Variants in MARCHF1 observed in about 807,000 individuals in gnomAD.
MARCHF1 encodes E3 ubiquitin-protein ligase MARCHF1.
A neutral mutation model predicts 54.2 loss-of-function variants in MARCHF1; 40 were observed. That is an observed-to-expected ratio of 0.74 (90% confidence interval 0.57 to 0.96). The LOEUF is 0.96. Ranked by LOEUF, MARCHF1 falls within the 40% of genes least tolerant of loss-of-function variation. The pLI is 0.00. For synonymous variants in MARCHF1, 236 were observed against 236.3 expected, an observed-to-expected ratio of 1.00 and a Z score of 0.01; for missense variants, 586 against 656.5, an observed-to-expected ratio of 0.89 and a Z score of 1.17.
intron 7 of MARCHF1, among the ~76,000 whole-genome samples, chr4:163,604,150 C>T (rs1741068044): frequency 6.6e-6 from 1 of 152,236 alleles, no homozygotes; most frequent in Admixed American, 6.6e-5. Context: ...ACAATCACCA[C>T]CTAGCTACTC....
intron 1 of MARCHF1, chr4:164,188,314 G>C (rs144284649): frequency 2.5e-5 from 9 of 353,186 alleles, no homozygotes; most frequent in Non-Finnish European, 4.3e-5. Flanking sequence ...ACCGCGCTGC[G>C]CTCCTGTGCT....
intron 2 of MARCHF1, among the ~76,000 whole-genome samples, chr4:164,026,461 T>C (rs1403223760): frequency 6.6e-6 from 1 of 152,082 alleles, no homozygotes; most frequent in Non-Finnish European, 1.5e-5. Flanking sequence ...ATTCACTACA[T>C]AAACAGAATT....
intron 5 of MARCHF1, among the ~76,000 whole-genome samples, chr4:163,659,922 T>A (rs1436500711): frequency 1.3e-5 from 2 of 152,058 alleles, no homozygotes; most frequent in Non-Finnish European, 2.9e-5. Flanking sequence ...GGAGAGGATG[T>A]GGAGAAATAG....
At chr4:164,149,445 A>G (rs980078881) in intron 1 of MARCHF1, among the ~76,000 whole-genome samples, 1 of 152,200 alleles carries the variant, frequency 6.6e-6, no homozygotes, top group Non-Finnish European at 1.5e-5. Flanking sequence ...GTGGAGTAAG[A>G]AGACGTTTAA....
intron 5 of MARCHF1, among the ~76,000 whole-genome samples, chr4:163,633,049 AG>A (rs1323002998): frequency 1.3e-5 from 2 of 151,990 alleles, no homozygotes; most frequent in Non-Finnish European, 2.9e-5. Flanking sequence ...GTCTGTTAGA[AG>A]GAAAACTAAC....
At chr4:163,803,240 C>A (rs1409613450) in intron 4 of MARCHF1, among the ~76,000 whole-genome samples, 3 of 152,158 alleles carry the variant, frequency 2.0e-5, no homozygotes, top group Non-Finnish European at 4.4e-5. Context: ...ATGGCCTGAT[C>A]TCAGCTCACT....
chr4:163,538,727 C>G (rs148079164), intron 9 of MARCHF1, among the ~76,000 whole-genome samples: 1 of 152,248 alleles, frequency 6.6e-6, no homozygotes, highest in Non-Finnish European at 1.5e-5. Context: ...CATCTTTATC[C>G]ACCTAAACTC....
intron 4 of MARCHF1, among the ~76,000 whole-genome samples, chr4:163,756,107 A>G (rs1217659418): frequency 2.0e-5 from 3 of 152,238 alleles, no homozygotes; most frequent in Non-Finnish European, 2.9e-5. Context: ...CTCAAATACT[A>G]CTTAACAGAC....
intron 3 of MARCHF1, among the ~76,000 whole-genome samples, chr4:163,892,931 C>T (rs571114760): frequency 6.6e-6 from 1 of 152,018 alleles, no homozygotes; most frequent in African/African-American, 2.4e-5. Flanking sequence ...TATATTTCCA[C>T]AAGGAAATGC....
chr4:164,306,962 CCTACA>C (rs1442880543), intron 1 of MARCHF1, among the ~76,000 whole-genome samples: 1 of 152,076 alleles, frequency 6.6e-6, no homozygotes. Flanking sequence ...TTCTATATTT[CCTACA>C]CTGTGGCCCT....
chr4:164,278,569 A>G (rs1209054007), intron 1 of MARCHF1, among the ~76,000 whole-genome samples: 3 of 152,208 alleles, frequency 2.0e-5, no homozygotes, highest in East Asian at 3.8e-4. Context: ...TTGTTCAAAT[A>G]TGGCTCAGTG....
intron 3 of MARCHF1, among the ~76,000 whole-genome samples, chr4:163,981,806 C>T (rs1439031457): frequency 2.6e-5 from 4 of 152,216 alleles, no homozygotes; most frequent in African/African-American, 9.6e-5. Context: ...CTCCAAGACT[C>T]TTCCACATGA....
chr4:163,563,557 G>A (rs545318276), intron 8 of MARCHF1, among the ~76,000 whole-genome samples: 2 of 152,114 alleles, frequency 1.3e-5, no homozygotes, highest in African/African-American at 2.4e-5. Flanking sequence ...CAGTGGCAGC[G>A]TAAGATCATG....
chr4:164,083,748 C>T (rs1217686299), intron 2 of MARCHF1, among the ~76,000 whole-genome samples: 3 of 151,986 alleles, frequency 2.0e-5, no homozygotes, highest in African/African-American at 4.8e-5. Flanking sequence ...CCCAATTCTG[C>T]TTCAGTCACA....
Position 164,004,890 on chromosome 4 carries a change from C to G in MARCHF1, c.-247-16181G>C, listed in dbSNP as rs989970588. Reference sequence around the variant, plus strand: ...GCTCTCATACTTCATGAAAGAGAAGCAAAAAGGTCTAAAAGTGATGATATA... The same window carrying G: ...GCTCTCATACTTCATGAAAGAGAAGGAAAAAGGTCTAAAAGTGATGATATA... On this transcript the variant is annotated intron_variant, in intron 2 of 9. Transcript: ENST00000514618. Among the ~76,000 whole-genome samples, 9 of 151,080 alleles carry G rather than the reference C, an allele frequency of 6.0e-5. No homozygotes were observed. The East Asian group carries it at 1.8e-3, about 29-fold the overall frequency.
intron 2 of MARCHF1, among the ~76,000 whole-genome samples, chr4:164,040,521 T>TA (rs1207624040): frequency 6.6e-6 from 1 of 150,412 alleles, no homozygotes; most frequent in Non-Finnish European, 1.5e-5. Context: ...ATATAGAATT[T>TA]AAAAAGATAA....
intron 4 of MARCHF1, among the ~76,000 whole-genome samples, chr4:163,719,081 G>A (rs753799073): frequency 1.6e-4 from 25 of 152,084 alleles, no homozygotes; most frequent in Non-Finnish European, 3.2e-4. Context: ...TGCACCATGT[G>A]CAGGTTTGTT....
At chr4:163,790,279 T>C (rs1462590199) in intron 4 of MARCHF1, among the ~76,000 whole-genome samples, 1 of 152,152 alleles carries the variant, frequency 6.6e-6, no homozygotes, top group Admixed American at 6.6e-5. Context: ...TAAGCCTTTT[T>C]TGTTGTTATT....
intron 7 of MARCHF1, among the ~76,000 whole-genome samples, chr4:163,597,475 C>G (rs1381331323): frequency 1.3e-5 from 2 of 151,872 alleles, no homozygotes; most frequent in African/African-American, 4.8e-5. Flanking sequence ...AGATATAACT[C>G]AAAACACAGT....
Sources: gnomAD v4.1 joint callset for allele counts (sites outside exome capture counted in the v4.1 genomes callset) on GRCh38, gnomAD v4.1.1 for gene constraint, MANE v1.5 for transcripts, NCBI Gene and HGNC (gene_info 2026-07-23, HGNC 2026-07-21) for gene names.